CDYL2: variants seen among roughly 807,000 people sequenced by gnomAD.
CDYL2 encodes the protein chromodomain Y like 2, also known as chromodomain Y-like protein 2.
CDYL2 carries 23 observed loss-of-function variants against 49.4 expected under a neutral mutation model. That is an observed-to-expected ratio of 0.47 (90% CI 0.34 to 0.66). The LOEUF is 0.66. Among genes scored for constraint, CDYL2 ranks in the 30% least tolerant of loss-of-function variants. CDYL2 has a pLI of 0.01. For synonymous variants in CDYL2, 360 were observed against 268.8 expected (o/e 1.34, Z -3.32); for missense variants, 678 against 656.4 (o/e 1.03, Z -0.36).
intron 1 of CDYL2, among the ~76,000 whole-genome samples, chr16:80,759,676 G>C (rs555605741): frequency 1.3e-5 from 2 of 152,234 alleles, no homozygotes; most frequent in African/African-American, 4.8e-5. Flanking sequence ...ATACCTGGAA[G>C]TAAATGTATA....
intron 1 of CDYL2, among the ~76,000 whole-genome samples, chr16:80,739,682 T>G (rs972087813): frequency 3.3e-5 from 5 of 152,048 alleles, no homozygotes; most frequent in Non-Finnish European, 7.4e-5. Context: ...CACCAGCCCA[T>G]GGAACAAGAC....
chr16:80,604,272 C>T lies in CDYL2; in HGVS notation c.*116G>A, dbSNP rs1906229132. 1.7e-6 allele frequency: 2 copies of T among 1,151,998 alleles called. No homozygotes were observed. The highest frequency in any genetic ancestry group is 2.5e-6 in the Non-Finnish European group (2 of 798,122). The allele number at this position is 1,151,998 out of a possible 1,614,324, so 71.4% of individuals were successfully genotyped here. ...ACCAAAGGACACGAGGAAATGGACACAACCCTACGTATAAAGAGACACCTT... is the reference window on the plus strand; with the variant it reads ...ACCAAAGGACACGAGGAAATGGACATAACCCTACGTATAAAGAGACACCTT... On this transcript the variant is annotated 3_prime_UTR_variant, in exon 7 of 7. Coordinates refer to ENST00000570137, the MANE Select transcript of CDYL2 (RefSeq NM_152342.4).
intron 3 of CDYL2, among the ~76,000 whole-genome samples, chr16:80,631,859 G>T (rs993809522): frequency 6.6e-6 from 1 of 152,168 alleles, no homozygotes; most frequent in African/African-American, 2.4e-5. Flanking sequence ...ACATGCACTA[G>T]TATTGCTATA....
chr16:80,789,366 G>A (rs1907537564), intron 1 of CDYL2, among the ~76,000 whole-genome samples: 1 of 152,168 alleles, frequency 6.6e-6, no homozygotes, highest in African/African-American at 2.4e-5. Context: ...ACTTTGGAAG[G>A]CCGAGGGGGT....
intron 1 of CDYL2, among the ~76,000 whole-genome samples, chr16:80,771,185 T>C (rs1352211196): frequency 1.3e-5 from 2 of 152,186 alleles, no homozygotes; most frequent in African/African-American, 2.4e-5. Context: ...CTATAGAAAG[T>C]AAAACCACAC....
intron 4 of CDYL2, among the ~76,000 whole-genome samples, chr16:80,618,729 C>A (rs1471489210): frequency 2.6e-5 from 4 of 152,176 alleles, no homozygotes; most frequent in African/African-American, 9.7e-5. Context: ...TCCCACCTTG[C>A]CTGCAGCTGT....
At chr16:80,729,056 A>C (rs1486838977) in intron 1 of CDYL2, among the ~76,000 whole-genome samples, 3 of 152,132 alleles carry the variant, frequency 2.0e-5, no homozygotes, top group East Asian at 1.9e-4. Flanking sequence ...ACGAGAAAAT[A>C]ACCAGCTAAC....
At chr16:80,660,688 C>G (rs1909005262) in intron 2 of CDYL2, among the ~76,000 whole-genome samples, 3 of 152,134 alleles carry the variant, frequency 2.0e-5, no homozygotes, top group African/African-American at 4.8e-5. Context: ...GATAATCACA[C>G]TGGATAAAAT....
At chr16:80,758,542 T>TA (rs1491454866) in intron 1 of CDYL2, among the ~76,000 whole-genome samples, 9 of 67,032 alleles carry the variant, frequency 1.3e-4, no homozygotes. Flanking sequence ...GCTGCAGCAC[T>TA]TTTTTTTTTT....
intron 1 of CDYL2, among the ~76,000 whole-genome samples, chr16:80,722,059 A>G (rs928131111): frequency 1.6e-4 from 24 of 152,252 alleles, no homozygotes; most frequent in Non-Finnish European, 7.3e-5. Flanking sequence ...AGGGCTCTAT[A>G]AACAAATTAA....
chr16:80,609,707 G>T (rs1346791464), intron 5 of CDYL2, among the ~76,000 whole-genome samples: 1 of 152,132 alleles, frequency 6.6e-6, no homozygotes, highest in African/African-American at 2.4e-5. Context: ...CATTCATACG[G>T]AAAGGCTCCT....
Position 80,684,589 on chromosome 16 carries a change from C to G in CDYL2, c.565G>C (p.Asp189His). Residue 189 changes from aspartate to histidine, a missense_variant, in exon 2 of 7, where the codon GAT becomes CAT. Transcript: ENST00000570137. ...TGATTCACGTCACATTCACCCATAT[C>G]TTGCTCTCCAACATGATCATTCAAA... ...LDLNDHVGEQ[D>H]MGECDVNHAT... The G allele has an allele frequency of 2.5e-6, 4 of 1,614,182 alleles. No individual in the cohort carries two copies. Among genetic ancestry groups the G allele is most frequent in the East Asian group, 2.2e-5 (1 of 44,876 alleles).
intron 1 of CDYL2, among the ~76,000 whole-genome samples, chr16:80,770,966 C>G (rs1906885684): frequency 6.6e-6 from 1 of 152,144 alleles, no homozygotes; most frequent in South Asian, 2.1e-4. Flanking sequence ...AGTCAGCTGA[C>G]AAAAGTTGGG....
At chr16:80,648,946 C>G (rs1908469890) in intron 2 of CDYL2, among the ~76,000 whole-genome samples, 1 of 152,064 alleles carries the variant, frequency 6.6e-6, no homozygotes, top group Admixed American at 6.6e-5. Context: ...AATTCAACAT[C>G]CCTTCATGAT....
intron 4 of CDYL2, among the ~76,000 whole-genome samples, chr16:80,616,565 C>G (rs919688543): frequency 6.6e-6 from 1 of 152,152 alleles, no homozygotes; most frequent in Non-Finnish European, 1.5e-5. Context: ...AGAACCCTCC[C>G]CCAGCCAAAG....
intron 2 of CDYL2, among the ~76,000 whole-genome samples, chr16:80,634,498 G>C (rs1046996261): frequency 1.3e-5 from 2 of 152,166 alleles, no homozygotes; most frequent in African/African-American, 4.8e-5. Flanking sequence ...GCCTGTCGTG[G>C]GGTGGGGACA....
At position 80,606,315 on chromosome 16, in the gene CDYL2, TTGGCAGCAGAGACCTCC is replaced by T. The variant is rs1310961350; in HGVS notation, c.1362+1760_1363-1770del. 2.6e-5 allele frequency among the ~76,000 whole-genome samples: 4 copies of T among 152,196 alleles called. No individual in the cohort carries two copies. The South Asian group carries it at 8.3e-4, about 32-fold the overall frequency. On this transcript the variant is annotated intron_variant, in intron 6 of 6. Transcript: ENST00000570137. ...CCCAGCATTCCTGAATTCACAGCTT[TTGGCAGCAGAGACCTCC>T]TTGCAGTATTCCTTGTCCTAAGAGC...
intron 1 of CDYL2, among the ~76,000 whole-genome samples, chr16:80,690,705 C>G (rs150923770): frequency 3.9e-4 from 60 of 152,254 alleles, no homozygotes; most frequent in African/African-American, 1.4e-3. Context: ...CTCTTCCCCT[C>G]AACTCCTGCC....
intron 2 of CDYL2, among the ~76,000 whole-genome samples, chr16:80,680,890 G>A (rs540516792): frequency 3.6e-4 from 54 of 152,080 alleles, no homozygotes; most frequent in Admixed American, 1.2e-3. Context: ...GATACAGCCC[G>A]TTTTAACAAG....
Sources: allele counts gnomAD v4.1 joint callset (sites outside exome capture counted in the v4.1 genomes callset), GRCh38; gene constraint gnomAD v4.1.1; transcripts MANE v1.5; gene names NCBI Gene and HGNC (gene_info 2026-07-23, HGNC 2026-07-21).